Variants in SVEP1 observed in about 807,000 individuals in gnomAD.
SVEP1 encodes sushi, von Willebrand factor type A, EGF and pentraxin domain containing 1, also known as sushi, von Willebrand factor type A, EGF and pentraxin domain-containing protein 1.
In SVEP1, 164 loss-of-function variants were observed where a neutral mutation model predicts 367.3. That is an observed-to-expected ratio of 0.45 (90% CI 0.39 to 0.51). The LOEUF is 0.51. Ranked by LOEUF, SVEP1 falls within the 20% of genes least tolerant of loss-of-function variation. SVEP1 has a pLI of 0.00. For missense variants in SVEP1, 4,117 were observed against 4,425.3 expected (o/e 0.93, Z 1.98); for synonymous variants, 1,666 against 1,611.6 (o/e 1.03, Z -0.81).
intron 35 of SVEP1, among the ~76,000 whole-genome samples, chr9:110,428,594 C>T (rs1056033923): frequency 1.3e-5 from 2 of 152,146 alleles, no homozygotes; most frequent in Middle Eastern, 3.2e-3. Context: ...TTTTTGCTTT[C>T]ATGTTTAAAG....
At position 110,558,229 on chromosome 9, in the gene SVEP1, C is replaced by T. The variant is rs189641123; in HGVS notation, c.532-8125G>A. On this transcript the variant is annotated intron_variant, in intron 1 of 47. Transcript: ENST00000374469. Reference sequence around the variant, plus strand: ...AATAAGAAAATAAGAATAATTGGCCCGGTGCTGTGGCTCACACCTGTAATC... The same window carrying T: ...AATAAGAAAATAAGAATAATTGGCCTGGTGCTGTGGCTCACACCTGTAATC... 5.5e-4 allele frequency among the ~76,000 whole-genome samples: 83 copies of T among 149,952 alleles called. 1 individual carries two copies. Among genetic ancestry groups the T allele is most frequent in the African/African-American group, 1.7e-3 (71 of 40,870 alleles).
At chr9:110,511,339 G>A (rs564316635) in intron 5 of SVEP1, among the ~76,000 whole-genome samples, 2 of 151,958 alleles carry the variant, frequency 1.3e-5, no homozygotes, top group Non-Finnish European at 2.9e-5. Context: ...CGTGAAAAGA[G>A]TCTATTTCCT....
intron 9 of SVEP1, among the ~76,000 whole-genome samples, chr9:110,488,991 C>T (rs957116126): frequency 1.2e-4 from 18 of 152,192 alleles, no homozygotes; most frequent in Admixed American, 8.5e-4. Context: ...GTAGTTTATA[C>T]GAGTGAAGGG....
At chr9:110,414,072 GTCTC>G in intron 36 of SVEP1, among the ~76,000 whole-genome samples, 1 of 151,964 alleles carries the variant, frequency 6.6e-6, no homozygotes, top group East Asian at 1.9e-4. Context: ...ACTGCTCTCT[GTCTC>G]TCTGTTTTGA....
intron 1 of SVEP1, among the ~76,000 whole-genome samples, chr9:110,562,685 TTTATTA>T (rs954627337): frequency 3.9e-5 from 6 of 152,188 alleles, no homozygotes; most frequent in South Asian, 2.1e-4. Context: ...TCATCACTTT[TTTATTA>T]TTATTATTAT....
intron 6 of SVEP1, among the ~76,000 whole-genome samples, chr9:110,500,430 G>A (rs117994122): frequency 0.019 from 2,907 of 152,140 alleles, 53 homozygotes; most frequent in Middle Eastern, 0.078. Flanking sequence ...TGGTACTTAC[G>A]GTGAGCGTGT....
chr9:110,442,175 C>T (rs1279197377), intron 27 of SVEP1, among the ~76,000 whole-genome samples: 4 of 152,174 alleles, frequency 2.6e-5, no homozygotes, highest in Admixed American at 6.5e-5. Flanking sequence ...AATGATGTTC[C>T]TTTCCACCAT....
chr9:110,514,149 T>A (rs1829764563), intron 3 of SVEP1, 43 bp from the exon 4 acceptor site: 3 of 1,587,720 alleles, frequency 1.9e-6, no homozygotes, highest in Non-Finnish European at 2.6e-6. Flanking sequence ...ATGTGGCACA[T>A]CAGCTGGTAG....
chr9:110,487,422 A>G (rs1015543222), intron 9 of SVEP1, among the ~76,000 whole-genome samples: 3 of 152,222 alleles, frequency 2.0e-5, no homozygotes, highest in Non-Finnish European at 4.4e-5. Flanking sequence ...AGAATCCAAC[A>G]TATTTTTCAT....
chr9:110,427,524 T>C (rs1828273756), intron 36 of SVEP1, 67 bp downstream of exon 36: 2 of 1,535,006 alleles, frequency 1.3e-6, no homozygotes, highest in Non-Finnish European at 1.8e-6. Flanking sequence ...ATGGAGCCCA[T>C]CTCTGCAGTC....
In SVEP1 at chr9:110,513,022, CA is replaced by C. The variant is rs1316327417; in HGVS notation, c.1206del (p.Cys402TrpfsTer34). The C allele has an allele frequency of 6.2e-7, 1 of 1,614,008 alleles. No homozygotes were observed. Among genetic ancestry groups the C allele is most frequent in the Non-Finnish European group, 8.5e-7 (1 of 1,179,894 alleles). ...NTCNNHFNAA[C>X]GVRCHPGFDL... is the part of the protein sequence containing the mutation. The stretch of plus-strand genomic sequence containing the variant: ...TCAAATCCAGGGTGACATCGGACCC[CA>C]CAGGCTGCATTGAAGTGGTTGTTGC... On this transcript the variant is annotated frameshift_variant, in exon 5 of 48. Coordinates refer to ENST00000374469, the MANE Select transcript of SVEP1 (RefSeq NM_153366.4). LOFTEE classifies it high-confidence loss of function.
At chr9:110,572,069 C>T (rs1345490196) in intron 1 of SVEP1, among the ~76,000 whole-genome samples, 1 of 152,100 alleles carries the variant, frequency 6.6e-6, no homozygotes, top group Non-Finnish European at 1.5e-5. Flanking sequence ...CCTACTTCTC[C>T]TTAGCTTTTG....
intron 39 of SVEP1, among the ~76,000 whole-genome samples, chr9:110,402,805 A>C (rs761852431): frequency 2.0e-5 from 3 of 152,190 alleles, no homozygotes; most frequent in Non-Finnish European, 2.9e-5. Context: ...GGAACCATAC[A>C]AAATTTGAAG....
chr9:110,531,570 T>C (rs1256426404), intron 3 of SVEP1, among the ~76,000 whole-genome samples: 2 of 152,170 alleles, frequency 1.3e-5, no homozygotes, highest in African/African-American at 2.4e-5. Flanking sequence ...TCTGCCATGA[T>C]TGTAAGTTTC....
intron 46 of SVEP1, 85 bp from the exon 47 acceptor site, chr9:110,370,101 C>A: frequency 8.2e-7 from 1 of 1,222,898 alleles, no homozygotes; most frequent in Non-Finnish European, 1.2e-6. Flanking sequence ...TAAGATTTGA[C>A]TCTACTTCCT....
intron 1 of SVEP1, among the ~76,000 whole-genome samples, chr9:110,564,368 G>A (rs904588635): frequency 2.0e-5 from 3 of 152,118 alleles, no homozygotes; most frequent in Non-Finnish European, 4.4e-5. Flanking sequence ...AAAAAGTTTA[G>A]CAGGAATTTA....
At chr9:110,491,813 C>T (rs998024290) in intron 8 of SVEP1, among the ~76,000 whole-genome samples, 7 of 151,640 alleles carry the variant, frequency 4.6e-5, no homozygotes, top group African/African-American at 1.7e-4. Flanking sequence ...CCTAAAAAAA[C>T]AGAATGAATG....
intron 3 of SVEP1, among the ~76,000 whole-genome samples, chr9:110,524,975 G>T (rs916847825): frequency 6.6e-6 from 1 of 152,090 alleles, no homozygotes; most frequent in Non-Finnish European, 1.5e-5. Flanking sequence ...GCTTCCCGAA[G>T]TGCTGGGACT....
chr9:110,406,945 G>A lies in SVEP1; in HGVS notation c.8655C>T (p.Asp2885=). ...ANGSWSGATP[D]CVPVRCATPP... ...GGGTGGCACATCTGACAGGCACACA[G>A]TCGGGAGTGGCTCCACTCCAACTTC... is the stretch of plus-strand genomic sequence containing the variant. Residue 2885 remains aspartate, a synonymous_variant, in exon 38 of 48, where the codon GAC becomes GAT. Coordinates refer to ENST00000374469, the MANE Select transcript of SVEP1 (RefSeq NM_153366.4). 1.2e-6 allele frequency: 2 copies of A among 1,613,860 alleles called. No homozygotes were observed. The highest frequency in any genetic ancestry group is 8.5e-7 in the Non-Finnish European group (1 of 1,179,844).
Sources: allele counts gnomAD v4.1 joint callset (sites outside exome capture counted in the v4.1 genomes callset), GRCh38; gene constraint gnomAD v4.1.1; transcripts MANE v1.5; gene names NCBI Gene and HGNC (gene_info 2026-07-23, HGNC 2026-07-21).